Variants in FAAH2 observed in about 807,000 individuals in gnomAD.
FAAH2 encodes fatty-acid amide hydrolase 2.
FAAH2 carries 60 observed loss-of-function variants against 36.9 expected under a neutral mutation model. That is an observed-to-expected ratio of 1.63 (90% CI 1.32 to 2.02). FAAH2 has a LOEUF of 2.02. Ranked by LOEUF, FAAH2 falls within the 30% of genes most tolerant of loss-of-function variation. The pLI is 0.00. For synonymous variants in FAAH2, 214 were observed against 143.8 expected (o/e 1.49, Z -3.49); for missense variants, 689 against 397.5 (o/e 1.73, Z -6.23).
At chrX:57,285,997 C>A (rs1236570933), upstream of FAAH2, among the ~76,000 whole-genome samples, 1 of 111,589 alleles carries the variant, frequency 9.0e-6, no homozygotes, top group East Asian at 2.8e-4. Flanking sequence ...ATGGAAGAAT[C>A]TGAAGTGATT....
chrX:57,246,238 C>T, the FAAH2 span, among the ~76,000 whole-genome samples: 23 of 111,606 alleles, frequency 2.1e-4, no homozygotes, highest in Admixed American at 1.0e-3. Context: ...AATTAATAGC[C>T]TAACAACCAA....
At chrX:57,441,180 G>T (rs1483639971) in intron 8 of FAAH2, among the ~76,000 whole-genome samples, 3 of 111,713 alleles carry the variant, frequency 2.7e-5, no homozygotes. Context: ...AGAGGGAATG[G>T]TACTAGCTCC....
chrX:57,186,887 A>T, the FAAH2 span, among the ~76,000 whole-genome samples: 1 of 111,429 alleles, frequency 9.0e-6, no homozygotes, highest in Non-Finnish European at 1.9e-5. Flanking sequence ...AAGTTGTGTT[A>T]TTTCTGAGGC....
the FAAH2 span, among the ~76,000 whole-genome samples, chrX:57,183,837 A>T: frequency 0.031 from 3,412 of 111,180 alleles, 114 homozygotes; most frequent in African/African-American, 0.11. Context: ...GGCAAAAAGA[A>T]CCATATTTTT....
intron 8 of FAAH2, among the ~76,000 whole-genome samples, chrX:57,437,905 A>T (rs2056445927): frequency 9.7e-6 from 1 of 103,587 alleles, no homozygotes; most frequent in South Asian, 4.0e-4. Flanking sequence ...GTATACACAT[A>T]TATACATACG....
the FAAH2 span, among the ~76,000 whole-genome samples, chrX:57,167,579 C>A: frequency 9.1e-6 from 1 of 109,903 alleles, no homozygotes; most frequent in African/African-American, 3.3e-5. Context: ...TTTTTTTTGT[C>A]TTTTCAGCAG....
the FAAH2 span, among the ~76,000 whole-genome samples, chrX:57,274,582 G>A: frequency 3.6e-5 from 4 of 111,948 alleles, no homozygotes; most frequent in East Asian, 2.8e-4. Flanking sequence ...TCATACCTGG[G>A]ATGCAGAGCT....
intron 8 of FAAH2, among the ~76,000 whole-genome samples, chrX:57,440,045 A>T (rs2056514153): frequency 9.0e-6 from 1 of 111,600 alleles, no homozygotes; most frequent in African/African-American, 3.3e-5. Flanking sequence ...TGATGCCTCC[A>T]GCTTTGTTCT....
rs2057525553 is a variant in FAAH2 at position 57,489,021 on chromosome X, C to G, written c.*89C>G. 3.2e-6 allele frequency: 3 copies of G among 929,091 alleles called. No individual in the cohort carries two copies. Among genetic ancestry groups the G allele is most frequent in the Non-Finnish European group, 2.9e-6 (2 of 694,247 alleles). The allele number at this position is 929,091 out of a possible 1,213,427, so 76.6% of individuals were successfully genotyped here. A position where few individuals can be genotyped will look rare whatever the true frequency, so the allele number is the denominator to read the frequency against. ...TTGGGTGAAATCAAGCACCAGCAGA[C>G]AAGCAGAGAAACAACTGGGGAATTT... On this transcript the variant is annotated 3_prime_UTR_variant, in exon 11 of 11. Coordinates refer to ENST00000374900, the MANE Select transcript of FAAH2 (RefSeq NM_174912.4).
chrX:57,324,571 G>C (rs1374010775), intron 3 of FAAH2, among the ~76,000 whole-genome samples: 14 of 111,471 alleles, frequency 1.3e-4, no homozygotes, highest in Non-Finnish European at 2.3e-4. Flanking sequence ...TTGTAAGTTG[G>C]ATTCCTAGGT....
chrX:57,417,148 C>G (rs778474689), intron 7 of FAAH2, among the ~76,000 whole-genome samples: 2 of 111,501 alleles, frequency 1.8e-5, no homozygotes, highest in Non-Finnish European at 3.8e-5. Context: ...AGGTTCTTAG[C>G]TTTTTTTGCA....
the FAAH2 span, among the ~76,000 whole-genome samples, chrX:57,139,953 G>C: frequency 8.9e-6 from 1 of 111,970 alleles, no homozygotes; most frequent in Non-Finnish European, 1.9e-5. Flanking sequence ...ACTTGGAGTA[G>C]TATGGACATT....
chrX:57,220,536 CCCA>C, the FAAH2 span, among the ~76,000 whole-genome samples: 1 of 111,801 alleles, frequency 8.9e-6, no homozygotes, highest in East Asian at 2.8e-4. Flanking sequence ...GCCGTCAAAC[CCCA>C]CAACAAGTCC....
chrX:57,385,734 T>C (rs1007559966), intron 7 of FAAH2, among the ~76,000 whole-genome samples: 1 of 110,968 alleles, frequency 9.0e-6, no homozygotes, highest in African/African-American at 3.3e-5. Flanking sequence ...TGAAATCCCG[T>C]CTCTACTAAA....
At chrX:57,145,465 T>C in the FAAH2 span, among the ~76,000 whole-genome samples, 1 of 112,053 alleles carries the variant, frequency 8.9e-6, no homozygotes. Flanking sequence ...TAGTCCTCTG[T>C]TGGATGGATA....
At chrX:57,288,539 A>ACGGGTT (rs1338376221) in intron 1 of FAAH2, among the ~76,000 whole-genome samples, 2 of 106,964 alleles carry the variant, frequency 1.9e-5, no homozygotes, top group East Asian at 5.8e-4. Flanking sequence ...TTTAGTAGAG[A>ACGGGTT]CGGGTTTTCA....
At chrX:57,426,757 A>G (rs2056171855) in intron 7 of FAAH2, among the ~76,000 whole-genome samples, 1 of 111,759 alleles carries the variant, frequency 8.9e-6, no homozygotes, top group African/African-American at 3.2e-5. Flanking sequence ...ACTGGTATTT[A>G]CATGGAAGTT....
At chrX:57,384,413 G>T (rs2054952179) in intron 7 of FAAH2, among the ~76,000 whole-genome samples, 1 of 104,166 alleles carries the variant, frequency 9.6e-6, no homozygotes, top group African/African-American at 3.3e-5. Context: ...GAAAATTTTT[G>T]CAATCTACTC....
chrX:57,435,492 G>T (rs1379155665), intron 8 of FAAH2, among the ~76,000 whole-genome samples: 1 of 109,909 alleles, frequency 9.1e-6, no homozygotes, highest in African/African-American at 3.3e-5. Flanking sequence ...GAGAGAAAAG[G>T]GTTGAAAAAA....
Sources: allele counts gnomAD v4.1 joint callset (sites outside exome capture counted in the v4.1 genomes callset), GRCh38; gene constraint gnomAD v4.1.1; transcripts MANE v1.5; gene names NCBI Gene and HGNC (gene_info 2026-07-23, HGNC 2026-07-21).